IGF1R: variants seen among roughly 807,000 people sequenced by gnomAD.
IGF1R encodes the protein insulin-like growth factor 1 receptor.
IGF1R carries 44 observed loss-of-function variants against 144.6 expected under a neutral mutation model. The observed-to-expected ratio is 0.30, with a 90% CI of 0.24 to 0.39. The LOEUF is 0.39. Ranked by LOEUF, IGF1R falls within the 10% of genes least tolerant of loss-of-function variation. The pLI, the probability that IGF1R is intolerant of heterozygous loss-of-function variation, is 1.00. For missense variants in IGF1R, 1,355 were observed against 1,833.7 expected (o/e 0.74, Z 4.77); for synonymous variants, 795 against 722.8 (o/e 1.10, Z -1.60).
rs553031943 is a variant in IGF1R, at chr15:98,930,087, A to G, written c.2886-148A>G. The G allele has an allele frequency of 7.2e-4, 504 of 701,902 alleles. 2 individuals are homozygous for G. Among genetic ancestry groups the G allele is most frequent in the Non-Finnish European group, 1.1e-3 (421 of 386,136 alleles). 43.5% of individuals were successfully genotyped at this position (701,902 alleles called of 1,614,324 possible). A position where few individuals can be genotyped will look rare whatever the true frequency, so the allele number is the denominator to read the frequency against. ...CCAGGCCTGAATTGGGAGTGTAGACAAGAGCTGCTGTAGACAGTAAGCTCT... is the reference window on the plus strand; with the variant it reads ...CCAGGCCTGAATTGGGAGTGTAGACGAGAGCTGCTGTAGACAGTAAGCTCT... On this transcript the variant is annotated intron_variant, in intron 14 of 20. Coordinates refer to ENST00000650285, the MANE Select transcript of IGF1R (RefSeq NM_000875.5).
At chr15:98,922,749 C>T (rs1158480292) in intron 11 of IGF1R, among the ~76,000 whole-genome samples, 7 of 152,228 alleles carry the variant, frequency 4.6e-5, no homozygotes, top group Admixed American at 6.5e-5. Context: ...CCCCCTCTTG[C>T]GCACAAATCG....
At chr15:98,916,645 T>C (rs2015263750) in intron 9 of IGF1R, 27 bp from the exon 10 acceptor site, 2 of 1,601,796 alleles carry the variant, frequency 1.2e-6, no homozygotes, top group Non-Finnish European at 1.7e-6. Context: ...ATTCCCACTC[T>C]TGTTTTGGCT....
chr15:98,752,932 A>ATTTTTTTT (rs775327338), intron 2 of IGF1R, among the ~76,000 whole-genome samples: 2 of 70,118 alleles, frequency 2.9e-5, no homozygotes, highest in Admixed American at 1.5e-4. Flanking sequence ...AAATCATACT[A>ATTTTTTTT]TTTTTTTTTT....
At position 98,874,255 on chromosome 15, in the gene IGF1R, G is replaced by T. The variant is rs73463622; in HGVS notation, c.641-17070G>T. 1.1e-3 allele frequency among the ~76,000 whole-genome samples: 167 copies of T among 152,266 alleles called. 1 individual carries two copies. The highest frequency in any genetic ancestry group is 3.8e-3 in the African/African-American group (156 of 41,544). ...AAAAGTGGACTTAAGGAGAAGTTCG[G>T]GTGCTGTTTATTTAGATAGGAGTAA... On this transcript the variant is annotated intron_variant, in intron 2 of 20. Coordinates refer to ENST00000650285, the MANE Select transcript of IGF1R (RefSeq NM_000875.5).
intron 2 of IGF1R, among the ~76,000 whole-genome samples, chr15:98,872,048 C>T (rs2141608117): frequency 6.6e-6 from 1 of 152,328 alleles, no homozygotes; most frequent in African/African-American, 2.4e-5. Flanking sequence ...CTCCACCACC[C>T]CAGTGGGTAC....
At chr15:98,849,798 G>A (rs1034026318) in intron 2 of IGF1R, among the ~76,000 whole-genome samples, 2 of 152,124 alleles carry the variant, frequency 1.3e-5, no homozygotes, top group African/African-American at 4.8e-5. Context: ...AAATAGCTAA[G>A]CATAGAAAAA....
At chr15:98,825,420 C>T (rs539932898) in intron 2 of IGF1R, among the ~76,000 whole-genome samples, 5 of 152,344 alleles carry the variant, frequency 3.3e-5, no homozygotes, top group African/African-American at 9.6e-5. Context: ...AGACCAGTCC[C>T]GGTCCATGGC....
Position 98,963,846 on chromosome 15 carries a change from G to A in IGF1R, c.*6404G>A. 4.3e-6 allele frequency: 1 copy of A among 233,062 alleles called. No homozygotes were observed. Among genetic ancestry groups the A allele is most frequent in the Non-Finnish European group, 8.5e-6 (1 of 117,930 alleles). 14.4% of individuals were successfully genotyped at this position (233,062 alleles called of 1,614,324 possible). ...ATACACAAAAATTGGTTTTAAAGTT[G>A]ACTCCACTTCCTCTAACTCCAGTGG... On this transcript the variant is annotated 3_prime_UTR_variant, in exon 21 of 21. Coordinates refer to ENST00000650285, the MANE Select transcript of IGF1R (RefSeq NM_000875.5).
chr15:98,864,266 C>T (rs979698471), intron 2 of IGF1R, among the ~76,000 whole-genome samples: 3 of 152,184 alleles, frequency 2.0e-5, no homozygotes, highest in Non-Finnish European at 4.4e-5. Context: ...AATAAATAGG[C>T]AAACATTACC....
chr15:98,732,229 G>T (rs1300430202), intron 2 of IGF1R, among the ~76,000 whole-genome samples: 1 of 152,180 alleles, frequency 6.6e-6, no homozygotes, highest in Non-Finnish European at 1.5e-5. Flanking sequence ...GAGGGGGCAG[G>T]GGAAGACTTG....
At chr15:98,663,174 C>T (rs899782461) in intron 1 of IGF1R, among the ~76,000 whole-genome samples, 1 of 152,038 alleles carries the variant, frequency 6.6e-6, no homozygotes, top group African/African-American at 2.4e-5. Context: ...GAGATGGGTC[C>T]TCGGTGTGAG....
chr15:98,667,228 A>G lies in IGF1R; in HGVS notation c.94+17553A>G, dbSNP rs115662864. Among the ~76,000 whole-genome samples, 1,208 of 152,314 alleles carry G rather than the reference A, an allele frequency of 7.9e-3. 14 individuals carry two copies. Among genetic ancestry groups the G allele is most frequent in the African/African-American group, 0.028 (1,164 of 41,566 alleles). ...AAATTTATTGCTAATCAGCCATGTG[A>G]CGTGTAATTGCTTTTTCATTTTCTT... is the stretch of plus-strand genomic sequence containing the variant. On this transcript the variant is annotated intron_variant, in intron 1 of 20. Coordinates refer to ENST00000650285, the MANE Select transcript of IGF1R (RefSeq NM_000875.5).
intron 8 of IGF1R, among the ~76,000 whole-genome samples, chr15:98,914,436 G>A (rs966262407): frequency 1.3e-5 from 2 of 152,202 alleles, no homozygotes; most frequent in Non-Finnish European, 2.9e-5. Context: ...ACCTTTTGCT[G>A]TGCACGCCTG....
intron 2 of IGF1R, among the ~76,000 whole-genome samples, chr15:98,711,931 A>C (rs973926732): frequency 2.0e-5 from 3 of 151,956 alleles, no homozygotes; most frequent in African/African-American, 7.3e-5. Context: ...GCACCTTTTC[A>C]CTGTCTTCAC....
intron 2 of IGF1R, among the ~76,000 whole-genome samples, chr15:98,801,435 A>C (rs1239290406): frequency 1.3e-5 from 2 of 152,190 alleles, no homozygotes; most frequent in African/African-American, 4.8e-5. Context: ...TATCAAAACA[A>C]ACACCCAGAG....
intron 2 of IGF1R, among the ~76,000 whole-genome samples, chr15:98,801,878 A>G (rs891844025): frequency 6.6e-6 from 1 of 152,200 alleles, no homozygotes; most frequent in Admixed American, 6.5e-5. Flanking sequence ...CTGCAAGCCA[A>G]TGGACTGAGC....
At chr15:98,903,480 C>T (rs112655494) in intron 5 of IGF1R, among the ~76,000 whole-genome samples, 1 of 152,168 alleles carries the variant, frequency 6.6e-6, no homozygotes, top group African/African-American at 2.4e-5. Flanking sequence ...TTCACATTTC[C>T]CTGGGACTTT....
At chr15:98,705,502 C>T (rs2053839766) in intron 1 of IGF1R, among the ~76,000 whole-genome samples, 1 of 152,136 alleles carries the variant, frequency 6.6e-6, no homozygotes, top group South Asian at 2.1e-4. Context: ...TGGGTGTTTG[C>T]CAAGTGCTGG....
At chr15:98,923,796 GT>G (rs1468904419) in intron 11 of IGF1R, 79 bp from the exon 12 acceptor site, 1 of 1,125,836 alleles carries the variant, frequency 8.9e-7, no homozygotes, top group African/African-American at 1.6e-5. Context: ...GGATGGGGGG[GT>G]TATTCTCAGG....
Sources: gnomAD v4.1 joint callset for allele counts (sites outside exome capture counted in the v4.1 genomes callset) on GRCh38, gnomAD v4.1.1 for gene constraint, MANE v1.5 for transcripts, NCBI Gene and HGNC (gene_info 2026-07-23, HGNC 2026-07-21) for gene names.